FAM81A: variants seen among roughly 807,000 people sequenced by gnomAD.
FAM81A encodes family with sequence similarity 81 member A.
A neutral mutation model predicts 46.7 loss-of-function variants in FAM81A; 19 were observed. That is an observed-to-expected ratio of 0.41 (90% CI 0.28 to 0.60). The LOEUF (loss-of-function observed/expected upper bound fraction) is 0.60. FAM81A is among the 20% of genes least tolerant of loss of function. FAM81A has a pLI of 0.34. For missense variants in FAM81A, 377 were observed against 453.5 expected (o/e 0.83, Z 1.53); for synonymous variants, 183 against 152.9 (o/e 1.20, Z -1.45).
chr15:59,514,092 G>C (rs545372898), intron 6 of FAM81A, among the ~76,000 whole-genome samples, 197 bp from the exon 7 acceptor site: 8 of 152,212 alleles, frequency 5.3e-5, no homozygotes, highest in African/African-American at 1.9e-4. Context: ...GGGGGGCAAG[G>C]GAGAGCATCA....
At chr15:59,471,310 A>G (rs2081686113) in intron 3 of FAM81A, among the ~76,000 whole-genome samples, 1 of 152,110 alleles carries the variant, frequency 6.6e-6, no homozygotes, top group Non-Finnish European at 1.5e-5. Context: ...TTAGGCTCAT[A>G]TACATTTATA....
intron 4 of FAM81A, among the ~76,000 whole-genome samples, chr15:59,502,941 A>T (rs1280966650): frequency 6.6e-6 from 1 of 152,098 alleles, no homozygotes; most frequent in Non-Finnish European, 1.5e-5. Context: ...AGAATCAGAA[A>T]TGCAATTAAA....
At chr15:59,507,176 C>T (rs2082158159) in intron 4 of FAM81A, 37 bp from the exon 5 acceptor site, 2 of 1,586,544 alleles carry the variant, frequency 1.3e-6, no homozygotes, top group Non-Finnish European at 1.7e-6. Flanking sequence ...TGTTTTTAAA[C>T]TTTAATAAGA....
At chr15:59,494,610 G>A (rs2082015127) in intron 4 of FAM81A, among the ~76,000 whole-genome samples, 1 of 152,140 alleles carries the variant, frequency 6.6e-6, no homozygotes, top group African/African-American at 2.4e-5. Context: ...TGTTTGTTAT[G>A]AGTACTAAAT....
chr15:59,492,594 G>A (rs150422273), intron 4 of FAM81A, among the ~76,000 whole-genome samples: 28 of 152,264 alleles, frequency 1.8e-4, no homozygotes, highest in African/African-American at 6.3e-4. Flanking sequence ...TACGCAATTG[G>A]TGTTGTCTTC....
chr15:59,427,443 G>A (rs2081200180), intron 2 of FAM81A, among the ~76,000 whole-genome samples: 1 of 152,062 alleles, frequency 6.6e-6, no homozygotes, highest in Non-Finnish European at 1.5e-5. Context: ...GCAATTAAAT[G>A]ATTATTGACC....
chr15:59,415,360 CTCTTG>C (rs1316763097), intron 2 of FAM81A, among the ~76,000 whole-genome samples: 1 of 150,512 alleles, frequency 6.6e-6, no homozygotes, highest in Non-Finnish European at 1.5e-5. Context: ...CCTCGTGATC[CTCTTG>C]TCTTGACCTC....
At chr15:59,474,839 A>G (rs2141690490) in intron 3 of FAM81A, among the ~76,000 whole-genome samples, 1 of 152,332 alleles carries the variant, frequency 6.6e-6, no homozygotes, top group South Asian at 2.1e-4. Flanking sequence ...GCAAAACTCC[A>G]AAAATATGCT....
intron 3 of FAM81A, among the ~76,000 whole-genome samples, chr15:59,465,060 T>A (rs1218020731): frequency 6.6e-6 from 1 of 152,206 alleles, no homozygotes; most frequent in Non-Finnish European, 1.5e-5. Flanking sequence ...GCACCATTTA[T>A]TGAAGATTTG....
chr15:59,510,060 C>G (rs909537009), intron 6 of FAM81A, among the ~76,000 whole-genome samples: 1 of 152,068 alleles, frequency 6.6e-6, no homozygotes, highest in Non-Finnish European at 1.5e-5. Flanking sequence ...AAAGAGAAAT[C>G]TCAAACTTAG....
At chr15:59,431,408 T>C (rs1316929185) in intron 2 of FAM81A, among the ~76,000 whole-genome samples, 1 of 152,144 alleles carries the variant, frequency 6.6e-6, no homozygotes, top group African/African-American at 2.4e-5. Context: ...CTAATTTTTG[T>C]ATTTTTAGTA....
Position 59,515,977 on chromosome 15 carries a change from T to A in FAM81A, c.787-668T>A, listed in dbSNP as rs184419264. On this transcript the variant is annotated intron_variant, in intron 7 of 8. Coordinates refer to ENST00000288228, the MANE Select transcript of FAM81A (RefSeq NM_152450.3). ...CCTAGAGTGATCCATATCTTCATAA[T>A]TCAATATAGCTGCTAGAGCTCCAGC... Among the ~76,000 whole-genome samples the A allele has an allele frequency of 9.8e-5, 15 of 152,322 alleles. No individual in the cohort carries two copies. The East Asian group carries it at 2.7e-3, about 27-fold the overall frequency.
chr15:59,477,558 A>G (rs186748928), intron 3 of FAM81A, among the ~76,000 whole-genome samples: 4 of 152,330 alleles, frequency 2.6e-5, no homozygotes, highest in African/African-American at 9.6e-5. Context: ...GAACAGTTAT[A>G]CACTGGAAAA....
At chr15:59,402,719 G>T (rs1466143718) in intron 2 of FAM81A, among the ~76,000 whole-genome samples, 1 of 149,088 alleles carries the variant, frequency 6.7e-6, no homozygotes, top group Non-Finnish European at 1.5e-5. Context: ...TTTTTGGGGG[G>T]TGGGGGGGAT....
intron 3 of FAM81A, among the ~76,000 whole-genome samples, chr15:59,479,588 C>T (rs2081822887): frequency 7.1e-6 from 1 of 141,254 alleles, no homozygotes; most frequent in Non-Finnish European, 1.5e-5. Flanking sequence ...AATGGAATGA[C>T]ATATGGGGCC....
Position 59,457,940 on chromosome 15 carries a change from G to A in FAM81A, c.-77-610G>A, listed in dbSNP as rs1354343551. On this transcript the variant is annotated intron_variant, in intron 1 of 8. Coordinates refer to ENST00000288228, the MANE Select transcript of FAM81A (RefSeq NM_152450.3). ...TTCTAATGAGTTGTGGGGACCAAAT[G>A]TTCCTTATATGCAAGATGAAATATG... is the stretch of plus-strand genomic sequence containing the variant. 3.9e-5 allele frequency among the ~76,000 whole-genome samples: 6 copies of A among 152,144 alleles called. No homozygotes were observed. The South Asian group carries it at 6.2e-4, about 16-fold the overall frequency.
intron 3 of FAM81A, among the ~76,000 whole-genome samples, chr15:59,478,803 C>T (rs1430175219): frequency 8.5e-5 from 13 of 152,218 alleles, no homozygotes; most frequent in African/African-American, 3.1e-4. Flanking sequence ...CTGGTGTCTG[C>T]TCTGTCTCCA....
At chr15:59,439,949 A>C (rs6494113) in intron 1 of FAM81A, 151,819 of 152,334 alleles carry the variant, frequency 1, 75,655 homozygotes, top group Middle Eastern at 1. Context: ...TTCATTTTTT[A>C]TGTAGCTGAA....
intron 2 of FAM81A, among the ~76,000 whole-genome samples, chr15:59,416,257 A>T (rs1250860735): frequency 1.5e-4 from 23 of 152,320 alleles, no homozygotes; most frequent in African/African-American, 5.5e-4. Flanking sequence ...TGTGGTGGTC[A>T]CCGCTGTGTG....
Sources: gnomAD v4.1 joint callset for allele counts (sites outside exome capture counted in the v4.1 genomes callset) on GRCh38, gnomAD v4.1.1 for gene constraint, MANE v1.5 for transcripts, NCBI Gene and HGNC (gene_info 2026-07-23, HGNC 2026-07-21) for gene names.